The following VPS50 variants were observed in gnomAD, a reference collection of about 807,000 sequenced individuals.
VPS50 encodes the protein VPS50 subunit of EARP/GARPII complex.
VPS50 carries 70 observed loss-of-function variants against 139.7 expected under a neutral mutation model. The observed-to-expected ratio is 0.50, with a 90% CI of 0.41 to 0.61. The LOEUF is 0.61. Among genes scored for constraint, VPS50 ranks in the 20% least tolerant of loss-of-function variants. The pLI, the probability that VPS50 is intolerant of heterozygous loss-of-function variation, is 0.00. For missense variants in VPS50, 921 were observed against 1,133.7 expected (o/e 0.81, Z 2.69); for synonymous variants, 365 against 376.7 (o/e 0.97, Z 0.36).
intron 23 of VPS50, among the ~76,000 whole-genome samples, chr7:93,343,838 C>A (rs553399951): frequency 5.3e-5 from 8 of 151,956 alleles, no homozygotes; most frequent in Admixed American, 6.5e-5. Context: ...AGCGCTAAAC[C>A]TGGAAAGGAA....
intron 25 of VPS50, among the ~76,000 whole-genome samples, chr7:93,352,039 T>G (rs1450322875): frequency 1.3e-5 from 2 of 152,218 alleles, no homozygotes; most frequent in Admixed American, 1.3e-4. Flanking sequence ...ACAATCTGCT[T>G]ATATTGCCCC....
intron 12 of VPS50, among the ~76,000 whole-genome samples, chr7:93,277,152 A>G (rs1562864842): frequency 6.6e-6 from 1 of 152,174 alleles, no homozygotes; most frequent in Non-Finnish European, 1.5e-5. Context: ...GAATGAGACT[A>G]GTAGAGTCTT....
intron 9 of VPS50, among the ~76,000 whole-genome samples, chr7:93,264,366 A>G (rs949853966): frequency 6.6e-6 from 1 of 152,226 alleles, no homozygotes; most frequent in Non-Finnish European, 1.5e-5. Context: ...GCTAAAGTGC[A>G]TCTATGAATG....
At chr7:93,246,490 T>A (rs1795159800) in intron 2 of VPS50, among the ~76,000 whole-genome samples, 1 of 151,884 alleles carries the variant, frequency 6.6e-6, no homozygotes, top group South Asian at 2.1e-4. Context: ...AAGTAAAGAT[T>A]TGCATTCATA....
At position 93,276,191 on chromosome 7, in the gene VPS50, C is replaced by T. The variant is rs1314124033; in HGVS notation, c.828C>T (p.His276=). The T allele has an allele frequency of 5.6e-6, 9 of 1,612,964 alleles. No individual in the cohort carries two copies. The highest frequency in any genetic ancestry group is 4.5e-5 in the East Asian group (2 of 44,846). Residue 276 remains histidine (H), a synonymous_variant, in exon 12 of 28, where the codon CAC becomes CAT. Coordinates refer to ENST00000305866, the MANE Select transcript of VPS50 (RefSeq NM_017667.4). ...CAGCAATGGATCAACTTCATATGCACTTCACCCAAGCCATTCACAACACCG... is the reference window on the plus strand; with the variant it reads ...CAGCAATGGATCAACTTCATATGCATTTCACCCAAGCCATTCACAACACCG... ...TQTAMDQLHM[H]FTQAIHNTVF...
At chr7:93,354,825 C>G (rs191293556) in intron 26 of VPS50, among the ~76,000 whole-genome samples, 2 of 152,220 alleles carry the variant, frequency 1.3e-5, no homozygotes, top group East Asian at 3.9e-4. Flanking sequence ...AAGCGAACAG[C>G]TATTTCAAAG....
At chr7:93,281,402 C>T (rs1796322489) in intron 12 of VPS50, among the ~76,000 whole-genome samples, 1 of 152,098 alleles carries the variant, frequency 6.6e-6, no homozygotes, top group Admixed American at 6.5e-5. Flanking sequence ...GTTTCTGTTC[C>T]TAAATCCTCA....
At chr7:93,279,701 G>C (rs1415937959) in intron 12 of VPS50, among the ~76,000 whole-genome samples, 1 of 152,218 alleles carries the variant, frequency 6.6e-6, no homozygotes, top group East Asian at 1.9e-4. Context: ...GAAATGAGAA[G>C]AAAGAGTCTA....
intron 25 of VPS50, among the ~76,000 whole-genome samples, chr7:93,353,367 C>G (rs1798610894): frequency 6.6e-6 from 1 of 152,098 alleles, no homozygotes; most frequent in Non-Finnish European, 1.5e-5. Flanking sequence ...AGATATTGGA[C>G]ATTGTTAACA....
chr7:93,287,814 T>C (rs1417445001), intron 12 of VPS50, among the ~76,000 whole-genome samples: 1 of 152,168 alleles, frequency 6.6e-6, no homozygotes, highest in Non-Finnish European at 1.5e-5. Context: ...AAAAGGTTTT[T>C]AGTCTTTTCT....
chr7:93,277,775 G>A (rs1469970665), intron 12 of VPS50, among the ~76,000 whole-genome samples: 1 of 151,836 alleles, frequency 6.6e-6, no homozygotes, highest in South Asian at 2.1e-4. Context: ...TTCAGTTTTA[G>A]GTATAGCTAT....
chr7:93,314,853 T>C (rs1406789813), intron 20 of VPS50, among the ~76,000 whole-genome samples: 1 of 151,960 alleles, frequency 6.6e-6, no homozygotes, highest in Non-Finnish European at 1.5e-5. Context: ...TGGGGGAAGG[T>C]CAAATACTAG....
At chr7:93,264,818 A>G (rs1008109757) in intron 9 of VPS50, among the ~76,000 whole-genome samples, 4 of 152,102 alleles carry the variant, frequency 2.6e-5, no homozygotes, top group Admixed American at 2.6e-4. Flanking sequence ...GCCTTGAGTA[A>G]TGTTTGAACA....
chr7:93,268,976 A>T (rs1795925259), intron 9 of VPS50, among the ~76,000 whole-genome samples: 1 of 152,154 alleles, frequency 6.6e-6, no homozygotes, highest in Admixed American at 6.6e-5. Flanking sequence ...TTGATTACTA[A>T]TTACATATAG....
At chr7:93,344,417 A>G (rs1328465547) in intron 23 of VPS50, among the ~76,000 whole-genome samples, 2 of 152,188 alleles carry the variant, frequency 1.3e-5, no homozygotes, top group Admixed American at 6.5e-5. Flanking sequence ...CATTAGACAG[A>G]TCAACGAGAC....
chr7:93,248,463 T>C (rs950998028), intron 2 of VPS50, among the ~76,000 whole-genome samples: 1 of 152,104 alleles, frequency 6.6e-6, no homozygotes, highest in Non-Finnish European at 1.5e-5. Context: ...TCTGTTTATT[T>C]TTCTAATTTA....
intron 20 of VPS50, among the ~76,000 whole-genome samples, chr7:93,322,425 C>G (rs1797641437): frequency 6.6e-6 from 1 of 151,362 alleles, no homozygotes; most frequent in Non-Finnish European, 1.5e-5. Context: ...CGGTGAAACC[C>G]CGTCTCTACT....
chr7:93,330,761 CA>C (rs57338525), intron 21 of VPS50, among the ~76,000 whole-genome samples: 11 of 83,686 alleles, frequency 1.3e-4, no homozygotes, highest in Admixed American at 1.8e-4. Context: ...GACCCTGTCT[CA>C]AAAAAAAAAA....
intron 25 of VPS50, among the ~76,000 whole-genome samples, chr7:93,351,892 A>T (rs1290714173): frequency 6.6e-6 from 1 of 152,226 alleles, no homozygotes; most frequent in Non-Finnish European, 1.5e-5. Flanking sequence ...GTTATAAGAA[A>T]GAACTCGTGT....
Sources: gnomAD v4.1 joint callset for allele counts (sites outside exome capture counted in the v4.1 genomes callset) on GRCh38, gnomAD v4.1.1 for gene constraint, MANE v1.5 for transcripts, NCBI Gene and HGNC (gene_info 2026-07-23, HGNC 2026-07-21) for gene names.